GRAMD1B: variants seen among roughly 807,000 people sequenced by gnomAD.
GRAMD1B encodes the protein GRAM domain containing 1B.
A neutral mutation model predicts 99.7 loss-of-function variants in GRAMD1B; 37 were observed. The ratio of observed to expected loss-of-function variants is 0.37; its 90% CI spans 0.29 to 0.49. The LOEUF is 0.49. Ranked by LOEUF, GRAMD1B falls within the 20% of genes least tolerant of loss-of-function variation. GRAMD1B has a pLI of 0.98. For synonymous variants in GRAMD1B, 427 were observed against 387.6 expected (o/e 1.10, Z -1.19); for missense variants, 888 against 1,009.2 (o/e 0.88, Z 1.63).
intron 2 of GRAMD1B, among the ~76,000 whole-genome samples, chr11:123,540,009 T>G (rs1460405368): frequency 6.6e-6 from 1 of 152,178 alleles, no homozygotes; most frequent in Non-Finnish European, 1.5e-5. Context: ...TTAGATATCA[T>G]TCTGTCTTTT....
At chr11:123,536,991 A>G (rs1944033273) in intron 2 of GRAMD1B, among the ~76,000 whole-genome samples, 1 of 152,226 alleles carries the variant, frequency 6.6e-6, no homozygotes, top group Admixed American at 6.5e-5. Flanking sequence ...CTTCATGCTA[A>G]GGATCTTTAG....
intron 2 of GRAMD1B, among the ~76,000 whole-genome samples, chr11:123,558,450 C>T (rs1383134123): frequency 6.6e-6 from 1 of 152,256 alleles, no homozygotes; most frequent in African/African-American, 2.4e-5. Flanking sequence ...AGGAGAGGTA[C>T]CCAACCGTTC....
chr11:123,583,569 A>T (rs1949706644), intron 3 of GRAMD1B, among the ~76,000 whole-genome samples: 1 of 152,188 alleles, frequency 6.6e-6, no homozygotes. Flanking sequence ...CAGACAAGGC[A>T]CGATCTTAGC....
rs1555108097 is a variant in GRAMD1B at position 123,617,182 on chromosome 11, T to TTTTG, written c.2319-1494_2319-1491dup. Among the ~76,000 whole-genome samples the TTTTG allele has an allele frequency of 4.7e-5, 7 of 149,942 alleles. No individual in the cohort carries two copies. The South Asian group carries it at 6.3e-4, about 13-fold the overall frequency. On this transcript the variant is annotated intron_variant, in intron 17 of 19. Coordinates refer to ENST00000635736, the MANE Select transcript of GRAMD1B (RefSeq NM_001387025.1). ...TTTCTTTCTTTCCTTTTTTTTTTTT[T>TTTTG]TTTGTTTGTTTGTTTGTTTGAGACA...
At chr11:123,568,691 C>T (rs1009086066) in intron 2 of GRAMD1B, among the ~76,000 whole-genome samples, 6 of 152,158 alleles carry the variant, frequency 3.9e-5, no homozygotes, top group South Asian at 4.1e-4. Context: ...AAATCTAGGC[C>T]GAAGTGTGGC....
At chr11:123,572,827 AG>A (rs773536072) in intron 2 of GRAMD1B, among the ~76,000 whole-genome samples, 2 of 150,860 alleles carry the variant, frequency 1.3e-5, no homozygotes, top group Non-Finnish European at 3.0e-5. Context: ...TGGCTGGGGC[AG>A]GGGCGCAGGT....
chr11:123,610,153 T>C lies in GRAMD1B; in HGVS notation c.1777-43T>C. On this transcript the variant is annotated intron_variant, in intron 13 of 19. Coordinates refer to ENST00000635736, the MANE Select transcript of GRAMD1B (RefSeq NM_001387025.1). This position sits in a 1 kb window ranked among gnomAD's most constrained non-coding sequence, Gnocchi z 4.1. The stretch of plus-strand genomic sequence containing the variant: ...GGAGAAGGTGCTTTTCCAAGCTTCT[T>C]GCTCCTCTTCAGTTTTGTCCAATGG... 3 of 1,608,344 alleles carry C rather than the reference T, an allele frequency of 1.9e-6. No individual in the cohort carries two copies. The highest frequency in any genetic ancestry group is 2.6e-6 in the Non-Finnish European group (3 of 1,175,536).
intron 2 of GRAMD1B, among the ~76,000 whole-genome samples, chr11:123,548,938 A>C (rs933705143): frequency 2.0e-5 from 3 of 152,212 alleles, no homozygotes; most frequent in African/African-American, 7.2e-5. Flanking sequence ...GGATTGGTTT[A>C]GCATTTAGAG....
intron 1 of GRAMD1B, among the ~76,000 whole-genome samples, chr11:123,452,867 C>T (rs1475228932): frequency 1.3e-5 from 2 of 152,156 alleles, no homozygotes; most frequent in African/African-American, 4.8e-5. Context: ...GTAGAACCAC[C>T]AGGCTTCCCT....
At chr11:123,598,092 T>C (rs1148098) in intron 7 of GRAMD1B, 1,340,206 of 1,580,066 alleles carry the variant, frequency 0.85, 569,978 homozygotes, top group East Asian at 0.99. Flanking sequence ...ACAGCATCTT[T>C]AATCTGTGTC....
At chr11:123,548,325 T>TATATATATATACACACAC (rs1555067740) in intron 2 of GRAMD1B, among the ~76,000 whole-genome samples, 1 of 86,842 alleles carries the variant, frequency 1.2e-5, no homozygotes, top group African/African-American at 5.1e-5. Context: ...TATATATATA[T>TATATATATATACACACAC]ACACACACAC....
At chr11:123,369,383 A>C (rs1214885902) in intron 1 of GRAMD1B, among the ~76,000 whole-genome samples, 1 of 152,162 alleles carries the variant, frequency 6.6e-6, no homozygotes, top group Non-Finnish European at 1.5e-5. Flanking sequence ...CAAATATAGA[A>C]AGAAGAGACA....
chr11:123,584,220 C>T lies in GRAMD1B; in HGVS notation c.664-92C>T, dbSNP rs115099850. The T allele has an allele frequency of 6.3e-3, 4,568 of 727,670 alleles. 71 individuals are homozygous for T. The highest frequency in any genetic ancestry group is 0.045 in the African/African-American group (2,493 of 55,348). 45.1% of individuals were successfully genotyped at this position (727,670 alleles called of 1,614,324 possible). On this transcript the variant is annotated intron_variant, in intron 3 of 19. Transcript: ENST00000635736. The stretch of plus-strand genomic sequence containing the variant: ...TGCATTTGGACCCCTCCTCCCTGCC[C>T]ACCCTCCGCTGTCTGTGTGCCCTTC...
At position 123,430,715 on chromosome 11, in the gene GRAMD1B, G is replaced by T. The variant is rs1018644507; in HGVS notation, c.-78G>T. ...TTGGGGAGTGTGCCGCGGGGCCGAG[G>T]GTGGGGAACAGCCAGAGGGAGACGC... On this transcript the variant is annotated 5_prime_UTR_variant, in exon 1 of 20. Coordinates refer to ENST00000635736, the MANE Select transcript of GRAMD1B (RefSeq NM_001387025.1). 1.2e-4 allele frequency: 73 copies of T among 589,680 alleles called. No homozygotes were observed. Among genetic ancestry groups the T allele is most frequent in the Non-Finnish European group, 5.4e-5 (18 of 334,564 alleles). The allele number at this position is 589,680 out of a possible 1,614,324, so 36.5% of individuals were successfully genotyped here. A position where few individuals can be genotyped will look rare whatever the true frequency, so the allele number is the denominator to read the frequency against.
chr11:123,622,204 A>G (rs1019977703), intron 19 of GRAMD1B, among the ~76,000 whole-genome samples: 1 of 152,028 alleles, frequency 6.6e-6, no homozygotes, highest in Non-Finnish European at 1.5e-5. Flanking sequence ...TAAATTTTTT[A>G]TAGAGATGGG....
intron 2 of GRAMD1B, among the ~76,000 whole-genome samples, chr11:123,496,050 A>C (rs1939215237): frequency 6.6e-6 from 1 of 152,098 alleles, no homozygotes; most frequent in Non-Finnish European, 1.5e-5. Flanking sequence ...ATTACATGTG[A>C]GTTTTCTACC....
chr11:123,509,058 C>A (rs1391393484), intron 2 of GRAMD1B, among the ~76,000 whole-genome samples: 5 of 151,792 alleles, frequency 3.3e-5, no homozygotes, highest in Non-Finnish European at 5.9e-5. Flanking sequence ...GGTCTTGGGG[C>A]TGGATTGGGA....
intron 1 of GRAMD1B, among the ~76,000 whole-genome samples, chr11:123,366,220 T>C (rs1466415791): frequency 3.9e-5 from 6 of 152,252 alleles, no homozygotes; most frequent in Non-Finnish European, 8.8e-5. Flanking sequence ...GCTGTGCTGA[T>C]GGCTTTATTT....
At chr11:123,551,156 G>A (rs559686959) in intron 2 of GRAMD1B, among the ~76,000 whole-genome samples, 1 of 125,328 alleles carries the variant, frequency 8.0e-6, no homozygotes, top group Non-Finnish European at 1.8e-5. Context: ...TGCCCTGCAG[G>A]GTTATCCCAA....
Sources: allele counts gnomAD v4.1 joint callset (sites outside exome capture counted in the v4.1 genomes callset), GRCh38; gene constraint gnomAD v4.1.1; non-coding constraint Gnocchi (gnomAD v3.1); transcripts MANE v1.5; gene names NCBI Gene and HGNC (gene_info 2026-07-23, HGNC 2026-07-21).